Variants in SPOCK3 observed in about 807,000 individuals in gnomAD.
SPOCK3 encodes SPARC (osteonectin), cwcv and kazal like domains proteoglycan 3.
In SPOCK3, 30 loss-of-function variants were observed where a neutral mutation model predicts 56.6. That is an observed-to-expected ratio of 0.53 (90% CI 0.40 to 0.72). SPOCK3 has a LOEUF of 0.72. Ranked by LOEUF, SPOCK3 falls within the 30% of genes least tolerant of loss-of-function variation. The probability of loss-of-function intolerance (pLI) is 0.00; values close to 1 mark genes in which losing one functional copy is unlikely to be tolerated. For missense variants in SPOCK3, 527 were observed against 530.0 expected (o/e 0.99, Z 0.06); for synonymous variants, 196 against 183.3 (o/e 1.07, Z -0.56).
chr4:167,063,932 T>C (rs1327744999), intron 2 of SPOCK3, among the ~76,000 whole-genome samples: 1 of 151,892 alleles, frequency 6.6e-6, no homozygotes, highest in Non-Finnish European at 1.5e-5. Context: ...TTAAATCTAA[T>C]ATATTTACGG....
intron 4 of SPOCK3, among the ~76,000 whole-genome samples, chr4:166,994,425 T>C (rs1748135218): frequency 6.6e-6 from 1 of 152,118 alleles, no homozygotes; most frequent in South Asian, 2.1e-4. Flanking sequence ...AGGCATTCTG[T>C]CTCTGGCCCC....
intron 6 of SPOCK3, among the ~76,000 whole-genome samples, chr4:166,805,970 G>A (rs375389130): frequency 2.6e-5 from 4 of 151,934 alleles, no homozygotes; most frequent in South Asian, 4.1e-4. Context: ...TGCTGTTTGC[G>A]GGAAAGCACA....
intron 2 of SPOCK3, among the ~76,000 whole-genome samples, chr4:167,137,243 T>C (rs1763199321): frequency 6.6e-6 from 1 of 151,914 alleles, no homozygotes. Context: ...GTAGATAAAT[T>C]GCTAATAAAA....
chr4:167,109,083 A>ATATGTATAAATATATATT, intron 2 of SPOCK3, among the ~76,000 whole-genome samples: 1 of 14,960 alleles, frequency 6.7e-5, no homozygotes, highest in Non-Finnish European at 1.1e-4. Context: ...TTATATAAAA[A>ATATGTATAAATATATATT]TATATATAAA....
At chr4:167,042,445 T>C (rs1001604919) in intron 3 of SPOCK3, among the ~76,000 whole-genome samples, 7 of 152,158 alleles carry the variant, frequency 4.6e-5, no homozygotes, top group East Asian at 1.9e-4. Context: ...GATGTGGAGT[T>C]TGTGAAACTA....
At chr4:166,737,009 T>C (rs1393451795) in intron 10 of SPOCK3, among the ~76,000 whole-genome samples, 3 of 152,158 alleles carry the variant, frequency 2.0e-5, no homozygotes, top group Admixed American at 6.6e-5. Flanking sequence ...CATATAGCTG[T>C]AATTTATGGA....
intron 6 of SPOCK3, among the ~76,000 whole-genome samples, chr4:166,863,324 G>A (rs1731436455): frequency 1.3e-5 from 2 of 152,030 alleles, no homozygotes; most frequent in African/African-American, 2.4e-5. Context: ...ACCAGCCACT[G>A]CAAAAACACA....
intron 4 of SPOCK3, among the ~76,000 whole-genome samples, chr4:166,949,361 A>C (rs553411105): frequency 6.6e-6 from 1 of 152,270 alleles, no homozygotes; most frequent in African/African-American, 2.4e-5. Context: ...TTCTCCATCC[A>C]GCTTTGTTCC....
intron 2 of SPOCK3, among the ~76,000 whole-genome samples, chr4:167,171,874 AAAAAG>A (rs1430779382): frequency 2.6e-5 from 4 of 152,126 alleles, no homozygotes; most frequent in African/African-American, 9.7e-5. Context: ...AAATTTAAAA[AAAAAG>A]AAAAGAAAAA....
chr4:167,016,386 TG>T (rs200257169), intron 3 of SPOCK3, among the ~76,000 whole-genome samples: 1,833 of 152,262 alleles, frequency 0.012, 21 homozygotes, highest in Non-Finnish European at 0.019. Context: ...TATATATTTT[TG>T]TTCAACTTTA....
intron 7 of SPOCK3, 71 bp downstream of exon 7, chr4:166,792,099 T>C: frequency 6.4e-7 from 1 of 1,560,930 alleles, no homozygotes; most frequent in East Asian, 2.2e-5. Flanking sequence ...ATGTGTTTTG[T>C]TCTAAGTGGT....
chr4:166,930,750 G>C (rs75652453), intron 4 of SPOCK3, among the ~76,000 whole-genome samples: 1 of 152,002 alleles, frequency 6.6e-6, no homozygotes, highest in Non-Finnish European at 1.5e-5. Context: ...CCTATAAAAC[G>C]TATGTCCATG....
At chr4:167,096,578 T>G (rs774832589) in intron 2 of SPOCK3, among the ~76,000 whole-genome samples, 7 of 151,874 alleles carry the variant, frequency 4.6e-5, no homozygotes, top group Admixed American at 6.6e-5. Flanking sequence ...ACTAACTGTC[T>G]GTTACTGATT....
intron 5 of SPOCK3, among the ~76,000 whole-genome samples, chr4:166,894,287 C>A (rs997957979): frequency 1.3e-5 from 2 of 151,958 alleles, no homozygotes; most frequent in East Asian, 3.9e-4. Context: ...GAAAAAAAAT[C>A]TTGTGCCATA....
At chr4:166,895,765 G>C (rs1041061287) in intron 5 of SPOCK3, among the ~76,000 whole-genome samples, 2 of 152,144 alleles carry the variant, frequency 1.3e-5, no homozygotes, top group Non-Finnish European at 2.9e-5. Context: ...TCACCAAACT[G>C]TTTTATGCAC....
At chr4:166,838,796 A>AATG (rs1746910807) in intron 6 of SPOCK3, among the ~76,000 whole-genome samples, 1 of 145,942 alleles carries the variant, frequency 6.9e-6, no homozygotes, top group African/African-American at 2.5e-5. Context: ...TAATAATAAT[A>AATG]ATAATAAATT....
intron 2 of SPOCK3, among the ~76,000 whole-genome samples, chr4:167,105,462 T>TAAAAAAAAAAAAAAAAAAAAAAA (rs1760025156): frequency 2.1e-5 from 1 of 48,128 alleles, no homozygotes; most frequent in Non-Finnish European, 4.4e-5. Flanking sequence ...TACACAAAAA[T>TAAAAAAAAAAAAAAAAAAAAAAA]TAAAAAAAAA....
intron 4 of SPOCK3, among the ~76,000 whole-genome samples, chr4:166,948,359 T>C (rs946430598): frequency 5.3e-5 from 8 of 152,002 alleles, no homozygotes; most frequent in African/African-American, 1.9e-4. Context: ...ATTGCATTTC[T>C]TTTGAATATA....
intron 6 of SPOCK3, among the ~76,000 whole-genome samples, chr4:166,830,144 A>G (rs1745886060): frequency 6.6e-6 from 1 of 152,170 alleles, no homozygotes; most frequent in Non-Finnish European, 1.5e-5. Context: ...TGGTTTGCGT[A>G]TCCTAATCTA....
Sources: allele counts gnomAD v4.1 joint callset (sites outside exome capture counted in the v4.1 genomes callset), GRCh38; gene constraint gnomAD v4.1.1; transcripts MANE v1.5; gene names NCBI Gene and HGNC (gene_info 2026-07-23, HGNC 2026-07-21).